TOX2: variants seen among roughly 807,000 people sequenced by gnomAD.
TOX2 encodes the protein TOX high mobility group box family member 2.
TOX2 carries 15 observed loss-of-function variants against 47.4 expected under a neutral mutation model. The ratio of observed to expected loss-of-function variants is 0.32; its 90% CI spans 0.21 to 0.49. The LOEUF is 0.49. TOX2 is among the 20% of genes least tolerant of loss of function. The pLI, the probability that TOX2 is intolerant of heterozygous loss-of-function variation, is 0.99. For missense variants in TOX2, 622 were observed against 673.1 expected (o/e 0.92, Z 0.84); for synonymous variants, 290 against 296.6 (o/e 0.98, Z 0.23).
At chr20:44,051,869 C>G (rs868796823) in intron 4 of TOX2, among the ~76,000 whole-genome samples, 2 of 152,304 alleles carry the variant, frequency 1.3e-5, no homozygotes, top group Middle Eastern at 6.8e-3. Flanking sequence ...AAGTGCTGAG[C>G]GTCCTTGACA....
intron 2 of TOX2, among the ~76,000 whole-genome samples, chr20:43,989,398 A>C (rs974913958): frequency 6.6e-6 from 1 of 152,148 alleles, no homozygotes; most frequent in Non-Finnish European, 1.5e-5. Context: ...CACATGCGGG[A>C]GCCCAGTCCC....
chr20:43,973,317 T>A, intron 1 of TOX2, 50 bp from the exon 2 acceptor site: 1 of 1,590,404 alleles, frequency 6.3e-7, no homozygotes, highest in East Asian at 2.2e-5. Context: ...CCTGGTGCCT[T>A]CCTGAGAGCA....
At chr20:44,055,334 G>A (rs907616297) in intron 5 of TOX2, among the ~76,000 whole-genome samples, 1 of 152,322 alleles carries the variant, frequency 6.6e-6, no homozygotes, top group Middle Eastern at 3.4e-3. Flanking sequence ...TCATGAGAGT[G>A]GAAAGAGCAG....
intron 1 of TOX2, among the ~76,000 whole-genome samples, chr20:43,941,049 A>G (rs1232334835): frequency 1.3e-5 from 2 of 152,220 alleles, no homozygotes; most frequent in Admixed American, 6.5e-5. Context: ...AGAGGTTCTC[A>G]GTACTGTGAA....
intron 5 of TOX2, among the ~76,000 whole-genome samples, chr20:44,056,493 G>C (rs1320653597): frequency 3.3e-5 from 5 of 152,104 alleles, no homozygotes; most frequent in Non-Finnish European, 5.9e-5. Context: ...ATGTCCCCGG[G>C]CACTCCCTCC....
chr20:43,927,623 TCC>T (rs2069188007), intron 1 of TOX2, among the ~76,000 whole-genome samples: 1 of 75,836 alleles, frequency 1.3e-5, no homozygotes, highest in African/African-American at 1.4e-4. Context: ...CTTCCTTCCT[TCC>T]TCCTTCCTTC....
At chr20:43,982,808 G>A (rs2070191379) in intron 2 of TOX2, among the ~76,000 whole-genome samples, 1 of 150,270 alleles carries the variant, frequency 6.7e-6, no homozygotes. Flanking sequence ...AATCAGCAGG[G>A]GTCTGAATGG....
intron 1 of TOX2, among the ~76,000 whole-genome samples, chr20:43,961,282 G>A (rs1382461485): frequency 6.6e-6 from 1 of 152,214 alleles, no homozygotes; most frequent in African/African-American, 2.4e-5. Context: ...GATGAGGTGT[G>A]GGGGAGAGTG....
At chr20:43,940,753 A>G (rs2069393071) in intron 1 of TOX2, among the ~76,000 whole-genome samples, 1 of 152,206 alleles carries the variant, frequency 6.6e-6, no homozygotes, top group South Asian at 2.1e-4. Flanking sequence ...GACGAGGCAC[A>G]TGGGATTAAG....
chr20:43,982,506 G>C (rs943020278), intron 2 of TOX2, among the ~76,000 whole-genome samples: 7 of 152,180 alleles, frequency 4.6e-5, no homozygotes, highest in African/African-American at 1.7e-4. Context: ...GTGGGGAGCA[G>C]CTGGATGGCA....
At chr20:43,931,745 C>T (rs566007045) in intron 1 of TOX2, among the ~76,000 whole-genome samples, 1 of 152,314 alleles carries the variant, frequency 6.6e-6, no homozygotes, top group African/African-American at 2.4e-5. Context: ...GGAGGTGGTG[C>T]CTGTGGCTCA....
chr20:43,957,645 G>T (rs2069691116), intron 1 of TOX2, among the ~76,000 whole-genome samples: 1 of 150,970 alleles, frequency 6.6e-6, no homozygotes, highest in Admixed American at 6.6e-5. Flanking sequence ...TGAGATCAAG[G>T]TGTTGGCAGG....
intron 2 of TOX2, among the ~76,000 whole-genome samples, chr20:43,979,121 T>C (rs2070129425): frequency 6.6e-6 from 1 of 152,206 alleles, no homozygotes; most frequent in Non-Finnish European, 1.5e-5. Context: ...GCAGGTTTGA[T>C]GATGCCAGAC....
rs1001593147 is a variant in TOX2 at position 43,945,147 on chromosome 20, G to GA, written c.100-28210dup. Among the ~76,000 whole-genome samples, 51 of 145,606 alleles carry GA rather than the reference G, an allele frequency of 3.5e-4. 1 individual carries two copies. The highest frequency in any genetic ancestry group is 3.4e-3 in the East Asian group (17 of 5,016). On this transcript the variant is annotated intron_variant, in intron 1 of 8. Coordinates refer to ENST00000341197, the MANE Select transcript of TOX2 (RefSeq NM_001098797.2). ...AAATGTAATACACGCTTGTGGTAAA[G>GA]AAAAAAAAAATGAAACAAGAAAGAA...
At chr20:43,935,142 A>C (rs1398676740) in intron 1 of TOX2, among the ~76,000 whole-genome samples, 4 of 152,086 alleles carry the variant, frequency 2.6e-5, no homozygotes. Context: ...AGATGAAGAC[A>C]GATTGGGCTT....
intron 1 of TOX2, among the ~76,000 whole-genome samples, chr20:43,954,129 A>C (rs1372243593): frequency 1.3e-5 from 2 of 152,106 alleles, no homozygotes; most frequent in Non-Finnish European, 2.9e-5. Context: ...TAGGACCCCA[A>C]ATCACGTCCT....
At chr20:43,942,573 C>T (rs916852531) in intron 1 of TOX2, among the ~76,000 whole-genome samples, 5 of 152,148 alleles carry the variant, frequency 3.3e-5, no homozygotes, top group African/African-American at 1.2e-4. Flanking sequence ...GTAGTCCCAG[C>T]TACTTGGGAG....
At chr20:44,044,116 C>T (rs6065692) in intron 3 of TOX2, among the ~76,000 whole-genome samples, 102,831 of 151,998 alleles carry the variant, frequency 0.68, 35,104 homozygotes, top group East Asian at 0.78. Flanking sequence ...GATGAGTTCA[C>T]GTCCTTTGTA....
chr20:44,038,205 G>T (rs528775734), intron 3 of TOX2, among the ~76,000 whole-genome samples: 3 of 152,114 alleles, frequency 2.0e-5, no homozygotes, highest in Non-Finnish European at 4.4e-5. Flanking sequence ...AGAACAGCCT[G>T]GGCAACATAG....
Sources: allele counts gnomAD v4.1 joint callset (sites outside exome capture counted in the v4.1 genomes callset), GRCh38; gene constraint gnomAD v4.1.1; transcripts MANE v1.5; gene names NCBI Gene and HGNC (gene_info 2026-07-23, HGNC 2026-07-21).